Variants in IL1RAPL2 observed in about 807,000 individuals in gnomAD.
IL1RAPL2 encodes X-linked interleukin-1 receptor accessory protein-like 2.
IL1RAPL2 carries 3 observed loss-of-function variants against 44.1 expected under a neutral mutation model. That is an observed-to-expected ratio of 0.07 (90% CI 0.03 to 0.18). The LOEUF (loss-of-function observed/expected upper bound fraction) is 0.18, where lower values mean the gene tolerates loss of function less well. Among genes scored for constraint, IL1RAPL2 ranks in the 10% least tolerant of loss-of-function variants. IL1RAPL2 has a pLI of 1.00. For missense variants in IL1RAPL2, 391 were observed against 496.4 expected, an observed-to-expected ratio of 0.79 and a Z score of 2.02; for synonymous variants, 181 against 178.8, an observed-to-expected ratio of 1.01 and a Z score of -0.10.
intron 2 of IL1RAPL2, among the ~76,000 whole-genome samples, chrX:104,691,847 A>G (rs1931096899): frequency 9.0e-6 from 1 of 111,527 alleles, no homozygotes; most frequent in South Asian, 3.8e-4. Context: ...TGAGTCACCT[A>G]TATCTGTATG....
At chrX:105,729,935 G>T in intron 7 of IL1RAPL2, among the ~76,000 whole-genome samples, 1 of 85,768 alleles carries the variant, frequency 1.2e-5, no homozygotes, top group Non-Finnish European at 2.3e-5. Context: ...GAGGGAGGGA[G>T]GGAAGGAAGG....
At chrX:105,600,484 A>G (rs2037242658) in intron 6 of IL1RAPL2, among the ~76,000 whole-genome samples, 1 of 109,569 alleles carries the variant, frequency 9.1e-6, no homozygotes, top group African/African-American at 3.3e-5. Context: ...TTCATTATTT[A>G]TTAATCTTAA....
chrX:105,106,860 A>G (rs1174306904), intron 2 of IL1RAPL2, among the ~76,000 whole-genome samples: 1 of 111,946 alleles, frequency 8.9e-6, no homozygotes, highest in East Asian at 2.8e-4. Context: ...ATTTCCTTAT[A>G]TTCTACCATG....
chrX:105,032,976 T>G (rs2031540160), intron 2 of IL1RAPL2, among the ~76,000 whole-genome samples: 1 of 111,985 alleles, frequency 8.9e-6, no homozygotes, highest in Non-Finnish European at 1.9e-5. Context: ...TTTACCATTA[T>G]GTAATGGCCT....
At chrX:104,865,709 T>C (rs1922598282) in intron 2 of IL1RAPL2, among the ~76,000 whole-genome samples, 1 of 112,658 alleles carries the variant, frequency 8.9e-6, no homozygotes, top group South Asian at 3.7e-4. Flanking sequence ...TCTTTTGTGC[T>C]GGATGCTTCC....
At chrX:104,604,335 C>T (rs1452532793) in intron 1 of IL1RAPL2, among the ~76,000 whole-genome samples, 1 of 111,348 alleles carries the variant, frequency 9.0e-6, no homozygotes, top group African/African-American at 3.3e-5. Flanking sequence ...ACAACCAGTA[C>T]CAGCCACTGC....
chrX:104,914,957 G>T (rs1180677248), intron 2 of IL1RAPL2, among the ~76,000 whole-genome samples: 1 of 111,550 alleles, frequency 9.0e-6, no homozygotes, highest in Admixed American at 9.5e-5. Flanking sequence ...TCTTAATCCA[G>T]TCTATCATAG....
chrX:105,166,430 A>ATACC (rs757411614), intron 2 of IL1RAPL2, among the ~76,000 whole-genome samples: 2 of 112,341 alleles, frequency 1.8e-5, no homozygotes, highest in East Asian at 5.6e-4. Flanking sequence ...TTAGCTTCAT[A>ATACC]TACCTGCAAG....
chrX:105,691,154 A>G (rs1036128323), intron 6 of IL1RAPL2, among the ~76,000 whole-genome samples: 2 of 111,474 alleles, frequency 1.8e-5, no homozygotes, highest in South Asian at 3.8e-4. Context: ...AATTCAGTCC[A>G]TGGCATATCC....
intron 2 of IL1RAPL2, among the ~76,000 whole-genome samples, chrX:105,169,492 CT>C (rs748101220): frequency 2.6e-3 from 108 of 41,543 alleles, no homozygotes; most frequent in African/African-American, 0.011. Flanking sequence ...TTCTTTCTTT[CT>C]TTTTTTTTTT....
chrX:105,362,830 A>G (rs913568909), intron 5 of IL1RAPL2, among the ~76,000 whole-genome samples: 1 of 111,606 alleles, frequency 9.0e-6, no homozygotes, highest in Non-Finnish European at 1.9e-5. Flanking sequence ...GAGTCTATCA[A>G]GTTAACATAT....
Position 105,635,524 on chromosome X carries a change from T to C in IL1RAPL2, c.773-81843T>C, listed in dbSNP as rs183168680. On this transcript the variant is annotated intron_variant, in intron 6 of 10. Transcript: ENST00000372582. ...AAAAATTGAAGAGAATCAGGATTTA[T>C]AGTAGATTAGCTTGCTACCAGTTAT... Among the ~76,000 whole-genome samples, 39 of 111,784 alleles carry C rather than the reference T, an allele frequency of 3.5e-4. No individual in the cohort carries two copies. In the East Asian group the frequency reaches 1.0e-2, roughly 29 times the overall value.
At chrX:105,003,618 CTA>C (rs747983953) in intron 2 of IL1RAPL2, among the ~76,000 whole-genome samples, 35 of 111,223 alleles carry the variant, frequency 3.1e-4, no homozygotes, top group African/African-American at 1.0e-3. Context: ...GAGCAAGTTT[CTA>C]TTAGTGCTGT....
chrX:105,622,659 A>G (rs1174950269), intron 6 of IL1RAPL2, among the ~76,000 whole-genome samples: 1 of 111,666 alleles, frequency 9.0e-6, no homozygotes, highest in African/African-American at 3.2e-5. Flanking sequence ...CTTAAAAAGC[A>G]GACTGTTCTG....
rs766791711 is a variant in IL1RAPL2, at chrX:105,563,270, G to A, written c.772+78883G>A. On this transcript the variant is annotated intron_variant, in intron 6 of 10. Coordinates refer to ENST00000372582, the MANE Select transcript of IL1RAPL2 (RefSeq NM_017416.2). ...CACAAGAGAAGTTAACTTGTCCAAGGAAACATAACTAGTAAGGGAAAGAGC... is the reference window on the plus strand; with the variant it reads ...CACAAGAGAAGTTAACTTGTCCAAGAAAACATAACTAGTAAGGGAAAGAGC... Among the ~76,000 whole-genome samples the A allele has an allele frequency of 9.8e-5, 11 of 111,820 alleles. No individual in the cohort carries two copies. The East Asian group carries it at 3.1e-3, about 32-fold the overall frequency.
intron 1 of IL1RAPL2, among the ~76,000 whole-genome samples, chrX:104,649,055 T>G (rs931237339): frequency 9.0e-6 from 1 of 111,490 alleles, no homozygotes; most frequent in South Asian, 3.8e-4. Context: ...CACTTCTAAT[T>G]TTTTCTCTCT....
intron 2 of IL1RAPL2, among the ~76,000 whole-genome samples, chrX:105,072,455 C>T (rs1408068136): frequency 2.7e-5 from 3 of 110,709 alleles, no homozygotes; most frequent in Non-Finnish European, 5.7e-5. Context: ...AGAGTTGGAA[C>T]AGTTTGGAGG....
At chrX:105,197,362 T>C (rs1457061029) in intron 3 of IL1RAPL2, among the ~76,000 whole-genome samples, 5 of 111,887 alleles carry the variant, frequency 4.5e-5, no homozygotes, top group African/African-American at 1.6e-4. Flanking sequence ...AAATTATCTC[T>C]CTTCTCCTCC....
intron 2 of IL1RAPL2, among the ~76,000 whole-genome samples, chrX:104,945,420 A>C (rs1925317702): frequency 9.0e-6 from 1 of 110,990 alleles, no homozygotes; most frequent in Non-Finnish European, 1.9e-5. Context: ...CATTTTTGCA[A>C]AGGTTTCATA....
Sources: allele counts gnomAD v4.1 joint callset (sites outside exome capture counted in the v4.1 genomes callset), GRCh38; gene constraint gnomAD v4.1.1; transcripts MANE v1.5; gene names NCBI Gene and HGNC (gene_info 2026-07-23, HGNC 2026-07-21).